The following PCDHGC3 variants were observed in gnomAD, a reference collection of about 807,000 sequenced individuals.
PCDHGC3 encodes the protein protocadherin gamma subfamily C, 3.
In PCDHGC3, 26 loss-of-function variants were observed where a neutral mutation model predicts 59.2. The observed-to-expected ratio is 0.44, with a 90% CI of 0.32 to 0.61. PCDHGC3 has a LOEUF of 0.61. Ranked by LOEUF, PCDHGC3 falls within the 20% of genes least tolerant of loss-of-function variation. The probability of loss-of-function intolerance (pLI) is 0.05; values close to 1 mark genes in which losing one functional copy is unlikely to be tolerated. For missense variants in PCDHGC3, 1,080 were observed against 1,221.8 expected (o/e 0.88, Z 1.73); for synonymous variants, 487 against 519.7 (o/e 0.94, Z 0.86).
intron 1 of PCDHGC3, among the ~76,000 whole-genome samples, chr5:141,482,089 CA>C (rs36035257): frequency 0.43 from 58,297 of 134,322 alleles, 12,050 homozygotes; most frequent in African/African-American, 0.53. Context: ...CACTCCATCT[CA>C]AAAAAAAAAA....
chr5:141,494,251 G>C (rs961451413), intron 1 of PCDHGC3, among the ~76,000 whole-genome samples: 2 of 152,214 alleles, frequency 1.3e-5, no homozygotes, highest in African/African-American at 4.8e-5. Context: ...TTAGCTGTGG[G>C]AAGAGATTCT....
In PCDHGC3 at chr5:141,491,927, G is replaced by A. The variant is rs1314503730; in HGVS notation, c.2431-2880G>A. 3 of 1,309,982 alleles carry A rather than the reference G, an allele frequency of 2.3e-6. No individual in the cohort carries two copies. In the African/African-American group the frequency reaches 4.5e-5, roughly 20 times the overall value. 81.1% of individuals were successfully genotyped at this position (1,309,982 alleles called of 1,614,324 possible). A position where few individuals can be genotyped will look rare whatever the true frequency, so the allele number is the denominator to read the frequency against. On this transcript the variant is annotated intron_variant, in intron 1 of 3. Coordinates refer to ENST00000308177, the MANE Select transcript of PCDHGC3 (RefSeq NM_002588.4). The surrounding 1 kb of genome is among the most constrained non-coding windows in gnomAD (Gnocchi z 6.9). ...GTGGTGGCGACTGTGGGCGAGGGGAGGTGGGACCGACCCCCACCCCTACAC... is the reference window on the plus strand; with the variant it reads ...GTGGTGGCGACTGTGGGCGAGGGGAAGTGGGACCGACCCCCACCCCTACAC...
Position 141,477,931 on chromosome 5 carries a change from G to T in PCDHGC3, c.1815G>T (p.Trp605Cys). 6.2e-7 allele frequency: 1 copy of T among 1,614,138 alleles called. No homozygotes were observed. Among genetic ancestry groups the T allele is most frequent in the Non-Finnish European group, 8.5e-7 (1 of 1,180,040 alleles). Reference protein sequence around the residue: ...GWDADAGHNAWLSYSLLGSPN... With the variant: ...GWDADAGHNACLSYSLLGSPN... ...ACGCGGATGCAGGGCACAATGCCTG[G>T]CTCTCCTACAGTCTCTTGGGATCCC... Residue 605 changes from tryptophan (W) to cysteine (C), a missense_variant, in exon 1 of 4, where the codon TGG (tryptophan) becomes TGT (cysteine). Trp to Cys is a radical substitution (Grantham distance 215). Coordinates refer to ENST00000308177, the MANE Select transcript of PCDHGC3 (RefSeq NM_002588.4). This position sits in a 1 kb window ranked among gnomAD's most constrained non-coding sequence, Gnocchi z 4.9.
rs765743251 is a variant in PCDHGC3 at position 141,476,488 on chromosome 5, G to A, written c.372G>A (p.Val124=). ...TGGAGCTGTTCAGCGTGGAAGTGGTGATCCAGGACATCAACGACAACAATC... is the reference window on the plus strand; with the variant it reads ...TGGAGCTGTTCAGCGTGGAAGTGGTAATCCAGGACATCAACGACAACAATC... ...NPLELFSVEV[V]IQDINDNNPA... The change falls in exon 1 of 4, where the codon GTG becomes GTA. Residue 124 remains valine, a synonymous_variant. Coordinates refer to ENST00000308177, the MANE Select transcript of PCDHGC3 (RefSeq NM_002588.4). This position sits in a 1 kb window ranked among gnomAD's most constrained non-coding sequence, Gnocchi z 7.6. 4 of 1,613,932 alleles carry A rather than the reference G, an allele frequency of 2.5e-6. No homozygotes were observed. Among genetic ancestry groups the A allele is most frequent in the Non-Finnish European group, 3.4e-6 (4 of 1,180,016 alleles).
At chr5:141,501,470 TG>T (rs1206698871) in intron 2 of PCDHGC3, among the ~76,000 whole-genome samples, 1 of 152,068 alleles carries the variant, frequency 6.6e-6, no homozygotes, top group African/African-American at 2.4e-5. Flanking sequence ...CCCCAAATCC[TG>T]GAAGAGTCCC....
In PCDHGC3 at chr5:141,485,956, C is replaced by T. The variant is rs1430530851; in HGVS notation, c.2430+7410C>T. 1 of 1,614,150 alleles carries T rather than the reference C, an allele frequency of 6.2e-7. No individual in the cohort carries two copies. Among genetic ancestry groups the T allele is most frequent in the South Asian group, 1.1e-5 (1 of 91,074 alleles). ...AGAGCGCACCAGCGGGCATGGTGCT[C>T]ATCCAGCTCAATGCCTCAGACCCGG... On this transcript the variant is annotated intron_variant, in intron 1 of 3. Coordinates refer to ENST00000308177, the MANE Select transcript of PCDHGC3 (RefSeq NM_002588.4). This position sits in a 1 kb window ranked among gnomAD's most constrained non-coding sequence, Gnocchi z 5.7.
At chr5:141,498,361 T>C (rs1256361883) in intron 2 of PCDHGC3, among the ~76,000 whole-genome samples, 1 of 151,460 alleles carries the variant, frequency 6.6e-6, no homozygotes, top group African/African-American at 2.4e-5. Flanking sequence ...GCAAAAGCCT[T>C]GTGGTGAGGC....
Position 141,489,492 on chromosome 5 carries a change from G to C in PCDHGC3, c.2431-5315G>C. On this transcript the variant is annotated intron_variant, in intron 1 of 3. Coordinates refer to ENST00000308177, the MANE Select transcript of PCDHGC3 (RefSeq NM_002588.4). This position sits in a 1 kb window ranked among gnomAD's most constrained non-coding sequence, Gnocchi z 4.5. The stretch of plus-strand genomic sequence containing the variant: ...CCCTGAGCTTGATGAGTGGTGCCCT[G>C]GCAGTGAATCAAAAGATTGACCGAG... The C allele has an allele frequency of 6.2e-7, 1 of 1,614,042 alleles. No homozygotes were observed. The highest frequency in any genetic ancestry group is 8.5e-7 in the Non-Finnish European group (1 of 1,180,034).
At chr5:141,497,541 T>C (rs1157403777) in intron 2 of PCDHGC3, among the ~76,000 whole-genome samples, 9 of 89,564 alleles carry the variant, frequency 1.0e-4, no homozygotes, top group Non-Finnish European at 2.1e-4. Context: ...GCAACAAACC[T>C]TTTTTTTTTT....
Position 141,486,904 on chromosome 5 carries a change from C to G in PCDHGC3, c.2431-7903C>G. On this transcript the variant is annotated intron_variant, in intron 1 of 3. Transcript: ENST00000308177. This position sits in a 1 kb window ranked among gnomAD's most constrained non-coding sequence, Gnocchi z 5.0. The stretch of plus-strand genomic sequence containing the variant: ...GGGCCCGGCCTGGTTCCTTATGTCC[C>G]CAAGCACTGCCTCCATCAGTTGGTG... 6.2e-7 allele frequency: 1 copy of G among 1,614,226 alleles called. No individual in the cohort carries two copies. The highest frequency in any genetic ancestry group is 1.1e-5 in the South Asian group (1 of 91,080).
Position 141,478,396 on chromosome 5 carries a change from G to GT in PCDHGC3, c.2281dup (p.Tyr761LeufsTer33). ...TGTCGCCGCACCTTTACCATCAGGT[G>GT]TATCTCACCACGGACTCCCGCCGCA... On this transcript the variant is annotated frameshift_variant, in exon 1 of 4. Coordinates refer to ENST00000308177, the MANE Select transcript of PCDHGC3 (RefSeq NM_002588.4). LOFTEE classifies it high-confidence loss of function. 6.2e-7 allele frequency: 1 copy of GT among 1,613,564 alleles called. No homozygotes were observed. The highest frequency in any genetic ancestry group is 8.5e-7 in the Non-Finnish European group (1 of 1,180,016).
intron 2 of PCDHGC3, among the ~76,000 whole-genome samples, chr5:141,496,582 G>C (rs991035985): frequency 6.6e-6 from 1 of 152,100 alleles, no homozygotes; most frequent in Non-Finnish European, 1.5e-5. Flanking sequence ...TTTTAGGAAC[G>C]CAAAGCGCTT....
At chr5:141,500,840 C>T (rs1394248251) in intron 2 of PCDHGC3, among the ~76,000 whole-genome samples, 1 of 151,966 alleles carries the variant, frequency 6.6e-6, no homozygotes, top group Non-Finnish European at 1.5e-5. Flanking sequence ...TGCTAATGGG[C>T]TTTTGCTACA....
chr5:141,509,663 G>A (rs933532930), intron 3 of PCDHGC3, among the ~76,000 whole-genome samples: 1 of 152,140 alleles, frequency 6.6e-6, no homozygotes, highest in Non-Finnish European at 1.5e-5. Context: ...ACTTCTCTGG[G>A]CCCCAGTTTC....
At chr5:141,495,710 G>C (rs2099763133) in intron 2 of PCDHGC3, among the ~76,000 whole-genome samples, 1 of 152,148 alleles carries the variant, frequency 6.6e-6, no homozygotes, top group Non-Finnish European at 1.5e-5. Flanking sequence ...TGTGGAGTGA[G>C]TAACTACACG....
At position 141,485,651 on chromosome 5, in the gene PCDHGC3, G is replaced by A. The variant is rs752827268; in HGVS notation, c.2430+7105G>A. The A allele has an allele frequency of 6.8e-6, 11 of 1,612,228 alleles. No individual in the cohort carries two copies. The Admixed American group carries it at 1.3e-4, about 20-fold the overall frequency. ...TTTCCCGTTGGAAAAGGCTCAGGATGCAGATGTGGGGAGCAATTCGATTAG... is the reference window on the plus strand; with the variant it reads ...TTTCCCGTTGGAAAAGGCTCAGGATACAGATGTGGGGAGCAATTCGATTAG... On this transcript the variant is annotated intron_variant, in intron 1 of 3. Transcript: ENST00000308177. This position sits in a 1 kb window ranked among gnomAD's most constrained non-coding sequence, Gnocchi z 5.7.
rs918375556 is a variant in PCDHGC3, at chr5:141,489,318, G to C, written c.2431-5489G>C. 6.3e-7 allele frequency: 1 copy of C among 1,598,974 alleles called. No individual in the cohort carries two copies. Among genetic ancestry groups the C allele is most frequent in the African/African-American group, 1.3e-5 (1 of 74,510 alleles). On this transcript the variant is annotated intron_variant, in intron 1 of 3. Coordinates refer to ENST00000308177, the MANE Select transcript of PCDHGC3 (RefSeq NM_002588.4). The surrounding 1 kb of genome is among the most constrained non-coding windows in gnomAD (Gnocchi z 4.5). ...TGTTGTCCTTGTGCTGCTGGGGCTG[G>C]GTGTCTGGGCAGCTTCGTTACTCAG...
Position 141,477,809 on chromosome 5 carries a change from C to A in PCDHGC3, c.1693C>A (p.Pro565Thr). 1 of 1,614,146 alleles carries A rather than the reference C, an allele frequency of 6.2e-7. No individual in the cohort carries two copies. Among genetic ancestry groups the A allele is most frequent in the Non-Finnish European group, 8.5e-7 (1 of 1,180,040 alleles). The change falls in exon 1 of 4, where the codon CCC becomes ACC. Residue 565 changes from proline to threonine, a missense_variant. Coordinates refer to ENST00000308177, the MANE Select transcript of PCDHGC3 (RefSeq NM_002588.4). The surrounding 1 kb of genome is among the most constrained non-coding windows in gnomAD (Gnocchi z 4.9). ...IFVTDRNDNA[P>T]QVLYPRPGGS... ...TGTCACTGATCGCAATGACAATGCC[C>A]CCCAGGTCCTATATCCTCGGCCAGG...
intron 2 of PCDHGC3, among the ~76,000 whole-genome samples, chr5:141,498,601 G>A (rs2099784606): frequency 6.6e-6 from 1 of 152,126 alleles, no homozygotes; most frequent in African/African-American, 2.4e-5. Flanking sequence ...CTTGGTTCAA[G>A]TTCAAGTCAG....
Sources: allele counts gnomAD v4.1 joint callset (sites outside exome capture counted in the v4.1 genomes callset), GRCh38; gene constraint gnomAD v4.1.1; non-coding constraint Gnocchi (gnomAD v3.1); transcripts MANE v1.5; gene names NCBI Gene and HGNC (gene_info 2026-07-23, HGNC 2026-07-21).